The following XPO4 variants were observed in gnomAD, a reference collection of about 807,000 sequenced individuals.
XPO4 encodes exportin 4.
In XPO4, 39 loss-of-function variants were observed where a neutral mutation model predicts 143.0. That is an observed-to-expected ratio of 0.27 (90% CI 0.21 to 0.36). XPO4 has a LOEUF of 0.36. Ranked by LOEUF, XPO4 falls within the 10% of genes least tolerant of loss-of-function variation. XPO4 has a pLI of 1.00. For synonymous variants in XPO4, 439 were observed against 474.0 expected, an observed-to-expected ratio of 0.93 and a Z score of 0.96; for missense variants, 907 against 1,348.0, an observed-to-expected ratio of 0.67 and a Z score of 5.12.
chr13:20,866,800 A>G (rs2060248758), intron 2 of XPO4, among the ~76,000 whole-genome samples: 1 of 152,222 alleles, frequency 6.6e-6, no homozygotes, highest in African/African-American at 2.4e-5. Flanking sequence ...ACAATACTTC[A>G]TAAAATATAC....
chr13:20,816,495 A>G (rs1469938375), intron 9 of XPO4, among the ~76,000 whole-genome samples: 1 of 152,250 alleles, frequency 6.6e-6, no homozygotes, highest in Non-Finnish European at 1.5e-5. Flanking sequence ...CAGAATACCT[A>G]TGCAGCTGAC....
At chr13:20,785,149 T>A (rs1159864205) in intron 22 of XPO4, among the ~76,000 whole-genome samples, 1 of 152,162 alleles carries the variant, frequency 6.6e-6, no homozygotes, top group Non-Finnish European at 1.5e-5. Context: ...ATTACAAGCA[T>A]GAGCCACTGC....
chr13:20,784,969 G>C (rs117891402), intron 22 of XPO4, among the ~76,000 whole-genome samples: 1,610 of 152,234 alleles, frequency 0.011, 15 homozygotes, highest in Middle Eastern at 0.017. Flanking sequence ...CTGGGTTCAA[G>C]TGATCCTCCT....
intron 17 of XPO4, 119 bp downstream of exon 17, chr13:20,796,645 T>C (rs2059362175): frequency 2.4e-6 from 2 of 843,988 alleles, no homozygotes; most frequent in Non-Finnish European, 3.2e-6. Context: ...TAAAAATCTT[T>C]TGAAGGAATA....
intron 6 of XPO4, among the ~76,000 whole-genome samples, chr13:20,829,992 T>G (rs964564391): frequency 6.6e-6 from 1 of 152,216 alleles, no homozygotes; most frequent in African/African-American, 2.4e-5. Context: ...GGAAAATGGA[T>G]ATGAGTTTTA....
chr13:20,819,182 C>T (rs1443037047), intron 9 of XPO4, among the ~76,000 whole-genome samples: 8 of 152,026 alleles, frequency 5.3e-5, no homozygotes, highest in African/African-American at 1.9e-4. Flanking sequence ...GAATTCATAC[C>T]CTGACTTTAC....
Position 20,779,198 on chromosome 13 carries a change from C to T in XPO4, c.*4524G>A, listed in dbSNP as rs1401950810. 2.0e-5 allele frequency: 3 copies of T among 152,516 alleles called. No individual in the cohort carries two copies. The highest frequency in any genetic ancestry group is 6.6e-5 in the Admixed American group (1 of 15,264). The allele number at this position is 152,516 out of a possible 1,614,324, so 9.4% of individuals were successfully genotyped here. On this transcript the variant is annotated 3_prime_UTR_variant, in exon 23 of 23. Transcript: ENST00000255305. Reference sequence around the variant, plus strand: ...ACGTGCTGAGTGGTAGCAGTGCTAACATTTTTGTGACCATTAAACCACAAA... The same window carrying T: ...ACGTGCTGAGTGGTAGCAGTGCTAATATTTTTGTGACCATTAAACCACAAA...
At chr13:20,890,176 C>T (rs747064962) in intron 1 of XPO4, among the ~76,000 whole-genome samples, 2 of 152,146 alleles carry the variant, frequency 1.3e-5, no homozygotes, top group East Asian at 1.9e-4. Context: ...GAGCTGGGCA[C>T]GGTGGCTTAT....
intron 4 of XPO4, chr13:20,852,402 A>G (rs1476006013): frequency 2.0e-6 from 2 of 985,286 alleles, no homozygotes; most frequent in African/African-American, 1.7e-5. Flanking sequence ...TTATCTAAGT[A>G]TATCCACCAC....
chr13:20,816,696 C>T (rs1313910940), intron 9 of XPO4, among the ~76,000 whole-genome samples: 2 of 152,182 alleles, frequency 1.3e-5, no homozygotes, highest in Non-Finnish European at 2.9e-5. Context: ...ACTGGTTCTG[C>T]ACTAGGATTG....
At chr13:20,848,782 T>C (rs1307746777) in intron 4 of XPO4, 2 of 985,248 alleles carry the variant, frequency 2.0e-6, no homozygotes, top group African/African-American at 3.5e-5. Flanking sequence ...AATGATGTGT[T>C]CCCTATTTTT....
chr13:20,868,059 CAT>C (rs1376231549), intron 2 of XPO4, among the ~76,000 whole-genome samples: 1 of 151,628 alleles, frequency 6.6e-6, no homozygotes, highest in Non-Finnish European at 1.5e-5. Flanking sequence ...ACTCATAAAA[CAT>C]ATTTGACAAA....
At chr13:20,892,041 T>G (rs917487504) in intron 1 of XPO4, among the ~76,000 whole-genome samples, 76 of 151,638 alleles carry the variant, frequency 5.0e-4, no homozygotes, top group African/African-American at 1.3e-3. Context: ...GTTTTGTTTT[T>G]TTTTTTCGAG....
Position 20,892,893 on chromosome 13 carries a change from A to T in XPO4, c.69+9777T>A, listed in dbSNP as rs577997384. On this transcript the variant is annotated intron_variant, in intron 1 of 22. Transcript: ENST00000255305. The stretch of plus-strand genomic sequence containing the variant: ...GTAACTCCAAAAAGTAAAAAATAAA[A>T]AAAAAAAAATAAAAGAACTACACTG... Among the ~76,000 whole-genome samples, 497 of 151,732 alleles carry T rather than the reference A, an allele frequency of 3.3e-3. 1 individual carries two copies. The highest frequency in any genetic ancestry group is 0.012 in the African/African-American group (483 of 41,444).
intron 6 of XPO4, among the ~76,000 whole-genome samples, chr13:20,829,452 G>A (rs2059825853): frequency 6.6e-6 from 1 of 151,994 alleles, no homozygotes; most frequent in African/African-American, 2.4e-5. Context: ...ACAAATAAAT[G>A]GGTTCACATA....
Position 20,808,472 on chromosome 13 carries a change from G to C in XPO4, c.1603C>G (p.Leu535Val), listed in dbSNP as rs2059535322. 1 of 1,572,928 alleles carries C rather than the reference G, an allele frequency of 6.4e-7. No homozygotes were observed. Among genetic ancestry groups the C allele is most frequent in the African/African-American group, 1.3e-5 (1 of 74,532 alleles). Residue 535 changes from leucine to valine, a missense_variant, in exon 12 of 23, where the codon CTC becomes GTC. Coordinates refer to ENST00000255305, the MANE Select transcript of XPO4 (RefSeq NM_022459.5). ...ATAAGCCAGTGAATATCTTCATAGAGATCATCAAGCATTTTGTTGTCAACA... is the reference window on the plus strand; with the variant it reads ...ATAAGCCAGTGAATATCTTCATAGACATCATCAAGCATTTTGTTGTCAACA... ...STVDNKMLDD[L>V]YEDIHWLILV...
chr13:20,879,422 G>A, intron 1 of XPO4: 3 of 665,318 alleles, frequency 4.5e-6, no homozygotes, highest in Non-Finnish European at 3.7e-6. Context: ...GCCTATGACA[G>A]GTCTCTTGCC....
intron 15 of XPO4, among the ~76,000 whole-genome samples, chr13:20,799,952 C>A: frequency 6.6e-6 from 1 of 152,096 alleles, no homozygotes; most frequent in East Asian, 1.9e-4. Context: ...ATGTAATGCT[C>A]AATTATAAGA....
Position 20,808,507 on chromosome 13 carries a change from C to T in XPO4, c.1568G>A (p.Gly523Asp), listed in dbSNP as rs527944535. 4.4e-6 allele frequency: 7 copies of T among 1,573,598 alleles called. No individual in the cohort carries two copies. In the East Asian group the frequency reaches 1.4e-4, roughly 30 times the overall value. ...RHQQQLLASP[G>D]SSTVDNKMLD... ...CATTTTGTTGTCAACAGTGCTTGAA[C>T]CCGGTGAAGCAAGTAACTGTTGCTG... is the stretch of plus-strand genomic sequence containing the variant. The change falls in exon 12 of 23, where the codon GGT becomes GAT. Residue 523 changes from glycine (G) to aspartate (D), a missense_variant. Coordinates refer to ENST00000255305, the MANE Select transcript of XPO4 (RefSeq NM_022459.5).
Sources: gnomAD v4.1 joint callset for allele counts (sites outside exome capture counted in the v4.1 genomes callset) on GRCh38, gnomAD v4.1.1 for gene constraint, MANE v1.5 for transcripts, NCBI Gene and HGNC (gene_info 2026-07-23, HGNC 2026-07-21) for gene names.